The following KL variants were observed in gnomAD, a reference collection of about 807,000 sequenced individuals.
KL encodes the protein alpha-klotho.
Under a neutral mutation model 84.2 loss-of-function variants are expected in KL, and 62 were observed. The ratio of observed to expected loss-of-function variants is 0.74; its 90% CI spans 0.60 to 0.91. The LOEUF (loss-of-function observed/expected upper bound fraction) is 0.91, where lower values mean the gene tolerates loss of function less well. Ranked by LOEUF, KL falls within the 40% of genes least tolerant of loss-of-function variation. The pLI is 0.00. For missense variants in KL, 1,261 were observed against 1,305.7 expected (o/e 0.97, Z 0.53); for synonymous variants, 528 against 528.0 (o/e 1.00, Z 0.00).
intron 1 of KL, among the ~76,000 whole-genome samples, chr13:33,049,627 C>A (rs180672489): frequency 1.1e-4 from 17 of 152,204 alleles, no homozygotes; most frequent in Admixed American, 7.2e-4. Context: ...AGAGCTGCAC[C>A]TCCAAAGCAT....
intron 1 of KL, among the ~76,000 whole-genome samples, chr13:33,041,233 A>G (rs535184243): frequency 6.6e-6 from 1 of 152,238 alleles, no homozygotes; most frequent in South Asian, 2.1e-4. Flanking sequence ...TTGAGAATTG[A>G]TTAAGAGTCA....
At chr13:33,034,053 A>T (rs1402264615) in intron 1 of KL, among the ~76,000 whole-genome samples, 1 of 152,280 alleles carries the variant, frequency 6.6e-6, no homozygotes, top group African/African-American at 2.4e-5. Flanking sequence ...TATGCTGTAC[A>T]CTGTAGAGCC....
rs745345017 is a variant in KL, at chr13:33,065,015, G to A, written c.*829G>A. 4.4e-6 allele frequency: 1 copy of A among 228,290 alleles called. No individual in the cohort carries two copies. The allele number at this position is 228,290 out of a possible 1,614,324, so 14.1% of individuals were successfully genotyped here. On this transcript the variant is annotated 3_prime_UTR_variant, in exon 5 of 5. Coordinates refer to ENST00000380099, the MANE Select transcript of KL (RefSeq NM_004795.4). ...TATACCGCAGTGGCTCTAGGTGGAG[G>A]AAAGGAGGAAAAAGTGCTTATTATG...
At chr13:33,038,073 G>C (rs1051857030) in intron 1 of KL, among the ~76,000 whole-genome samples, 1 of 152,156 alleles carries the variant, frequency 6.6e-6, no homozygotes, top group African/African-American at 2.4e-5. Context: ...ACATCCAGCT[G>C]TTCACATTCT....
Position 33,016,740 on chromosome 13 carries a change from C to T in KL, c.300C>T (p.Pro100=). The change falls in exon 1 of 5, where the codon CCC becomes CCT. Residue 100 remains proline (P), a synonymous_variant. Coordinates refer to ENST00000380099, the MANE Select transcript of KL (RefSeq NM_004795.4). ...CGTTCACCCACCACCCCCTGGCACC[C>T]CCGGGAGACTCCCGGAACGCCAGTC... The part of the protein sequence containing the change: ...WDTFTHHPLA[P]PGDSRNASLP... 6.2e-7 allele frequency: 1 copy of T among 1,611,700 alleles called. No individual in the cohort carries two copies. The highest frequency in any genetic ancestry group is 1.1e-5 in the South Asian group (1 of 90,888).
chr13:33,017,575 G>A (rs1870418212), intron 1 of KL, among the ~76,000 whole-genome samples: 1 of 152,156 alleles, frequency 6.6e-6, no homozygotes, highest in Non-Finnish European at 1.5e-5. Flanking sequence ...AGGGCGGGGA[G>A]GATTTGCTAG....
At position 33,060,874 on chromosome 13, in the gene KL, TG is replaced by T; in HGVS notation, c.1798del (p.Ala600ProfsTer2). The T allele has an allele frequency of 6.2e-7, 1 of 1,614,216 alleles. No homozygotes were observed. The highest frequency in any genetic ancestry group is 8.5e-7 in the Non-Finnish European group (1 of 1,180,008). ...HVTHFRFSLDWALILPLGNQS... is the reference protein window; with the variant it reads ...HVTHFRFSLDXALILPLGNQS... ...TACACATTTTCGCTTCTCCCTGGAC[TG>T]GGCCCTGATTCTCCCTCTGGGTAAC... is the stretch of plus-strand genomic sequence containing the variant. On this transcript the variant is annotated frameshift_variant, in exon 4 of 5. Transcript: ENST00000380099. LOFTEE classifies it high-confidence loss of function.
chr13:33,057,947 G>A (rs772808899), intron 3 of KL, among the ~76,000 whole-genome samples: 3 of 152,148 alleles, frequency 2.0e-5, no homozygotes, highest in Non-Finnish European at 4.4e-5. Context: ...CTCCTGGCTA[G>A]TATTTCAGAC....
In KL at chr13:33,042,854, G is replaced by A. The variant is rs533020902; in HGVS notation, c.820-10913G>A. Among the ~76,000 whole-genome samples the A allele has an allele frequency of 5.3e-5, 8 of 152,178 alleles. 1 individual carries two copies. In the South Asian group the frequency reaches 1.0e-3, roughly 20 times the overall value. On this transcript the variant is annotated intron_variant, in intron 1 of 4. Coordinates refer to ENST00000380099, the MANE Select transcript of KL (RefSeq NM_004795.4). ...GTGCCACCACACCTGGCTAAGTTTC[G>A]TATTTTCAGTAGAGACGGGGTTTCA... is the stretch of plus-strand genomic sequence containing the variant.
In KL at chr13:33,065,277, G is replaced by A. The variant is rs997868691; in HGVS notation, c.*1091G>A. ...TGGATTTGTTTCTGTGATCTCTGAG[G>A]TCTATTTTATGTTTTTGCTGCTACT... On this transcript the variant is annotated 3_prime_UTR_variant, in exon 5 of 5. Transcript: ENST00000380099. The A allele has an allele frequency of 4.6e-6, 1 of 215,162 alleles. No homozygotes were observed. The highest frequency in any genetic ancestry group is 2.3e-5 in the African/African-American group (1 of 44,376). 13.3% of individuals were successfully genotyped at this position (215,162 alleles called of 1,614,324 possible). A position where few individuals can be genotyped will look rare whatever the true frequency, so the allele number is the denominator to read the frequency against.
chr13:33,047,647 G>C (rs904296071), intron 1 of KL, among the ~76,000 whole-genome samples: 1 of 152,162 alleles, frequency 6.6e-6, no homozygotes, highest in African/African-American at 2.4e-5. Flanking sequence ...TGCTTTCATA[G>C]CATCTGTCTT....
rs536548647 is a variant in KL at position 33,030,688 on chromosome 13, T to C, written c.819+13429T>C. Among the ~76,000 whole-genome samples, 4 of 152,206 alleles carry C rather than the reference T, an allele frequency of 2.6e-5. No individual in the cohort carries two copies. The South Asian group carries it at 8.3e-4, about 32-fold the overall frequency. ...GAAGGGCAAGGGGTGACAATGCTGGTGAAAGACATTTGAGGAAAGCTATCA... is the reference window on the plus strand; with the variant it reads ...GAAGGGCAAGGGGTGACAATGCTGGCGAAAGACATTTGAGGAAAGCTATCA... On this transcript the variant is annotated intron_variant, in intron 1 of 4. Coordinates refer to ENST00000380099, the MANE Select transcript of KL (RefSeq NM_004795.4).
At chr13:33,063,568 C>T (rs1872291477) in intron 4 of KL, among the ~76,000 whole-genome samples, 1 of 151,822 alleles carries the variant, frequency 6.6e-6, no homozygotes, top group Non-Finnish European at 1.5e-5. Flanking sequence ...GTCAAGAAAT[C>T]GAGACCATCC....
chr13:33,065,028 A>G lies in KL; in HGVS notation c.*842A>G, dbSNP rs937142934. On this transcript the variant is annotated 3_prime_UTR_variant, in exon 5 of 5. Coordinates refer to ENST00000380099, the MANE Select transcript of KL (RefSeq NM_004795.4). ...CTCTAGGTGGAGGAAAGGAGGAAAAAGTGCTTATTATGTGCAACATTATGA... is the reference window on the plus strand; with the variant it reads ...CTCTAGGTGGAGGAAAGGAGGAAAAGGTGCTTATTATGTGCAACATTATGA... The G allele has an allele frequency of 1.3e-5, 3 of 228,742 alleles. No individual in the cohort carries two copies. The highest frequency in any genetic ancestry group is 2.6e-5 in the Non-Finnish European group (3 of 115,282). The allele number at this position is 228,742 out of a possible 1,614,324, so 14.2% of individuals were successfully genotyped here.
chr13:33,063,870 A>G lies in KL; in HGVS notation c.2723A>G (p.Asn908Ser), dbSNP rs1416872200. ...CCAGCCCACATACTGGATGGTATCA[A>G]TCTTTGCGGATACTTTGCTTATTCG... Reference protein sequence around the residue: ...ALKAHILDGINLCGYFAYSFN... With the variant: ...ALKAHILDGISLCGYFAYSFN... Residue 908 changes from asparagine (N) to serine (S), a missense_variant, in exon 5 of 5, where the codon AAT (asparagine) becomes AGT (serine). Physicochemically the swap from Asn to Ser is conservative, Grantham distance 46. Coordinates refer to ENST00000380099, the MANE Select transcript of KL (RefSeq NM_004795.4). 4.3e-6 allele frequency: 7 copies of G among 1,613,992 alleles called. No homozygotes were observed. The highest frequency in any genetic ancestry group is 3.3e-5 in the Admixed American group (2 of 60,006).
intron 1 of KL, among the ~76,000 whole-genome samples, chr13:33,029,358 A>AAT: frequency 6.6e-6 from 1 of 152,348 alleles, no homozygotes; most frequent in East Asian, 1.9e-4. Context: ...CCCATGAATC[A>AAT]ATGTTTCAAA....
chr13:33,030,935 C>T lies in KL; in HGVS notation c.819+13676C>T, dbSNP rs530785275. Among the ~76,000 whole-genome samples, 329 of 152,214 alleles carry T rather than the reference C, an allele frequency of 2.2e-3. 1 individual carries two copies. The highest frequency in any genetic ancestry group is 7.2e-3 in the African/African-American group (300 of 41,532). On this transcript the variant is annotated intron_variant, in intron 1 of 4. Coordinates refer to ENST00000380099, the MANE Select transcript of KL (RefSeq NM_004795.4). ...TACAAGATGATAAAGAAATAGAACA[C>T]ATTTTTGAAAGGGAAAAAGATTTAA...
In KL at chr13:33,065,613, G is replaced by T. The variant is rs1217344992; in HGVS notation, c.*1427G>T. The T allele has an allele frequency of 5.5e-6, 1 of 180,682 alleles. No individual in the cohort carries two copies. The highest frequency in any genetic ancestry group is 1.2e-5 in the Non-Finnish European group (1 of 84,340). 11.2% of individuals were successfully genotyped at this position (180,682 alleles called of 1,614,324 possible). ...GGTATGATTTTTTCATGAAAGATAA[G>T]CTTTTGGTAATATTCATTTTAAAGT... On this transcript the variant is annotated 3_prime_UTR_variant, in exon 5 of 5. Transcript: ENST00000380099.
intron 1 of KL, among the ~76,000 whole-genome samples, chr13:33,042,577 A>C (rs1871375383): frequency 6.6e-6 from 1 of 152,214 alleles, no homozygotes; most frequent in Non-Finnish European, 1.5e-5. Context: ...GCATTAATGA[A>C]TAGTATTCCA....
Sources: allele counts gnomAD v4.1 joint callset (sites outside exome capture counted in the v4.1 genomes callset), GRCh38; gene constraint gnomAD v4.1.1; transcripts MANE v1.5; gene names NCBI Gene and HGNC (gene_info 2026-07-23, HGNC 2026-07-21).